The following DAPL1 variants were observed in gnomAD, a reference collection of about 807,000 sequenced individuals.
DAPL1 encodes the protein death-associated protein-like 1.
A neutral mutation model predicts 12.9 loss-of-function variants in DAPL1; 17 were observed. That is an observed-to-expected ratio of 1.32 (90% confidence interval 0.90 to 1.98). The LOEUF (loss-of-function observed/expected upper bound fraction) is 1.98, where lower values mean the gene tolerates loss of function less well. DAPL1 is among the 30% of genes most tolerant of loss of function. The pLI is 0.00. For missense variants in DAPL1, 157 were observed against 125.7 expected (o/e 1.25, Z -1.19); for synonymous variants, 51 against 42.0 (o/e 1.21, Z -0.82).
At chr2:158,799,570 C>T (rs913540047) in intron 1 of DAPL1, among the ~76,000 whole-genome samples, 1 of 152,028 alleles carries the variant, frequency 6.6e-6, no homozygotes, top group African/African-American at 2.4e-5. Flanking sequence ...CACAAACTGA[C>T]CCCACCTGGT....
chr2:158,812,258 TCTC>T (rs1243066978), intron 3 of DAPL1, among the ~76,000 whole-genome samples: 4 of 152,238 alleles, frequency 2.6e-5, no homozygotes, highest in Non-Finnish European at 5.9e-5. Context: ...TTTCTTTTCT[TCTC>T]TAAAACTTTC....
intron 2 of DAPL1, among the ~76,000 whole-genome samples, chr2:158,806,054 T>C (rs1390285977): frequency 1.3e-5 from 2 of 148,540 alleles, no homozygotes; most frequent in African/African-American, 2.4e-5. Flanking sequence ...CTCTGCTATT[T>C]ACATCTCCTA....
intron 3 of DAPL1, among the ~76,000 whole-genome samples, chr2:158,809,189 C>T (rs542398197): frequency 2.1e-4 from 32 of 151,786 alleles, no homozygotes; most frequent in Admixed American, 2.0e-3. Flanking sequence ...GAAACTCCAT[C>T]TCTACTGAAA....
Position 158,815,732 on chromosome 2 carries a change from C to G in DAPL1, c.235C>G (p.His79Asp), listed in dbSNP as rs774199801. 419 of 1,613,658 alleles carry G rather than the reference C, an allele frequency of 2.6e-4. No homozygotes were observed. The highest frequency in any genetic ancestry group is 3.5e-4 in the Non-Finnish European group (409 of 1,179,578). The change falls in exon 4 of 4, where the codon CAC (histidine) becomes GAC (aspartate). Residue 79 changes from histidine (H) to aspartate (D), a missense_variant. Physicochemically the swap from His to Asp is moderately conservative, Grantham distance 81. Coordinates refer to ENST00000309950, the MANE Select transcript of DAPL1 (RefSeq NM_001017920.3). The stretch of plus-strand genomic sequence containing the variant: ...CAACTATAAATTTCCAGCAACAGTG[C>G]ACATGGCGCATCAAAAACCCACACC... ...KLNYKFPATVHMAHQKPTPAL... is the reference protein window; with the variant it reads ...KLNYKFPATVDMAHQKPTPAL...
In DAPL1 at chr2:158,795,332, C is replaced by A; in HGVS notation, c.-41C>A. On this transcript the variant is annotated 5_prime_UTR_variant, in exon 1 of 4. Coordinates refer to ENST00000309950, the MANE Select transcript of DAPL1 (RefSeq NM_001017920.3). ...TGGGGCAGCCACAGCTGGCATTCAG[C>A]CTCCAGAGCACCAGCACTGGCACTG... 6.4e-7 allele frequency: 1 copy of A among 1,550,878 alleles called. No homozygotes were observed. The highest frequency in any genetic ancestry group is 1.2e-5 in the South Asian group (1 of 84,016).
At chr2:158,804,463 C>G in intron 2 of DAPL1, 94 bp downstream of exon 2, 1 of 853,662 alleles carries the variant, frequency 1.2e-6, no homozygotes, top group Non-Finnish European at 1.8e-6. Flanking sequence ...CTCCCTATGC[C>G]TTTGGAGGCA....
chr2:158,815,180 G>C (rs2059253317), intron 3 of DAPL1, among the ~76,000 whole-genome samples: 1 of 152,128 alleles, frequency 6.6e-6, no homozygotes, highest in South Asian at 2.1e-4. Context: ...TCTTCACTGG[G>C]CTATTTAGAT....
At chr2:158,804,941 T>C (rs2059192336) in intron 2 of DAPL1, among the ~76,000 whole-genome samples, 1 of 152,222 alleles carries the variant, frequency 6.6e-6, no homozygotes, top group Admixed American at 6.5e-5. Context: ...AGCAGAGAGC[T>C]GTGGGCTGGA....
intron 3 of DAPL1, among the ~76,000 whole-genome samples, chr2:158,808,071 C>T (rs1310612044): frequency 1.3e-5 from 2 of 152,150 alleles, no homozygotes; most frequent in Non-Finnish European, 2.9e-5. Context: ...AGTGAGGGCC[C>T]TTATTCTATG....
intron 1 of DAPL1, among the ~76,000 whole-genome samples, chr2:158,797,487 C>A (rs1335838843): frequency 6.6e-6 from 1 of 152,082 alleles, no homozygotes; most frequent in Admixed American, 6.6e-5. Flanking sequence ...CCTATCCCAT[C>A]ACAGTTAAAA....
chr2:158,809,558 A>G (rs1445463157), intron 3 of DAPL1, among the ~76,000 whole-genome samples: 1 of 152,064 alleles, frequency 6.6e-6, no homozygotes, highest in African/African-American at 2.4e-5. Context: ...GTCCTGGGGC[A>G]GGTTTCTTCA....
rs1409439936 is a variant in DAPL1, at chr2:158,795,412, G to C, written c.40G>C (p.Gly14Arg). ...EVQDLLSPRK[G>R]GHPPAVKAGG... is the part of the protein sequence containing the mutation. ...GCAAGACCTGCTCTCCCCTCGGAAA[G>C]GGGGACATCCTCCTGCAGGTAGGCT... The change falls in exon 1 of 4, where the codon GGG becomes CGG. Residue 14 changes from glycine (G) to arginine (R), a missense_variant. By Grantham distance (125) the Gly-to-Arg change is moderately radical. Coordinates refer to ENST00000309950, the MANE Select transcript of DAPL1 (RefSeq NM_001017920.3). 6.4e-7 allele frequency: 1 copy of C among 1,555,484 alleles called. No individual in the cohort carries two copies. The highest frequency in any genetic ancestry group is 1.4e-5 in the African/African-American group (1 of 73,278).
intron 3 of DAPL1, chr2:158,807,742 G>C (rs537509834): frequency 6.6e-6 from 1 of 152,296 alleles, no homozygotes; most frequent in South Asian, 2.1e-4. Flanking sequence ...CCACCTCCCG[G>C]GTTCAAGTGG....
chr2:158,803,129 A>G (rs1326999426), intron 1 of DAPL1, among the ~76,000 whole-genome samples: 2 of 152,254 alleles, frequency 1.3e-5, no homozygotes, highest in Non-Finnish European at 2.9e-5. Flanking sequence ...TAAAAAATAA[A>G]ACCTGAGTGT....
At chr2:158,812,788 T>A (rs1379435469) in intron 3 of DAPL1, among the ~76,000 whole-genome samples, 5 of 96,640 alleles carry the variant, frequency 5.2e-5, no homozygotes, top group African/African-American at 1.2e-4. Context: ...GAGCAAAACC[T>A]CAGCTCAAAA....
chr2:158,805,100 A>G (rs1290431075), intron 2 of DAPL1, among the ~76,000 whole-genome samples: 10 of 152,238 alleles, frequency 6.6e-5, no homozygotes, highest in Non-Finnish European at 1.0e-4. Context: ...TCAGTTGATG[A>G]GTAATTCAAA....
At chr2:158,805,402 G>A (rs1295033368) in intron 2 of DAPL1, among the ~76,000 whole-genome samples, 2 of 152,146 alleles carry the variant, frequency 1.3e-5, no homozygotes, top group Admixed American at 1.3e-4. Flanking sequence ...AAGAGTGGAG[G>A]TCACACGTTA....
At chr2:158,801,871 C>A (rs373458642) in intron 1 of DAPL1, among the ~76,000 whole-genome samples, 1 of 152,050 alleles carries the variant, frequency 6.6e-6, no homozygotes, top group Non-Finnish European at 1.5e-5. Flanking sequence ...TGCAATGTAT[C>A]TCATGGAAAA....
intron 1 of DAPL1, among the ~76,000 whole-genome samples, chr2:158,796,784 C>T (rs2059136825): frequency 6.6e-6 from 1 of 152,196 alleles, no homozygotes; most frequent in Non-Finnish European, 1.5e-5. Context: ...TTTCTGTCCC[C>T]ACCACTAATG....
Sources: allele counts gnomAD v4.1 joint callset (sites outside exome capture counted in the v4.1 genomes callset), GRCh38; gene constraint gnomAD v4.1.1; transcripts MANE v1.5; gene names NCBI Gene and HGNC (gene_info 2026-07-23, HGNC 2026-07-21).